The following WWOX variants were observed in gnomAD, a reference collection of about 807,000 sequenced individuals.
WWOX encodes WW domain-containing oxidoreductase.
A neutral mutation model predicts 46.2 loss-of-function variants in WWOX; 69 were observed. That is an observed-to-expected ratio of 1.49 (90% CI 1.23 to 1.82). The LOEUF (loss-of-function observed/expected upper bound fraction) is 1.82. WWOX is among the 40% of genes most tolerant of loss of function. The pLI, the probability that WWOX is intolerant of heterozygous loss-of-function variation, is 0.00. For synonymous variants in WWOX, 359 were observed against 202.6 expected (o/e 1.77, Z -6.56); for missense variants, 919 against 542.6 (o/e 1.69, Z -6.89).
intron 8 of WWOX, chr16:78,525,770 C>T (rs1366841710): frequency 2.0e-5 from 3 of 150,808 alleles, no homozygotes; most frequent in African/African-American, 7.3e-5. Flanking sequence ...CAGGTTTGTC[C>T]CATTTGTACT....
chr16:79,113,123 G>T (rs2150660526), intron 8 of WWOX, among the ~76,000 whole-genome samples: 1 of 151,628 alleles, frequency 6.6e-6, no homozygotes, highest in Middle Eastern at 3.4e-3. Context: ...ACATATGTGT[G>T]TGTAATTACA....
At chr16:78,520,240 G>C (rs1469602425) in intron 8 of WWOX, among the ~76,000 whole-genome samples, 3 of 152,144 alleles carry the variant, frequency 2.0e-5, no homozygotes, top group African/African-American at 7.2e-5. Flanking sequence ...TTATCATTCT[G>C]ATGGATTACG....
intron 5 of WWOX, among the ~76,000 whole-genome samples, chr16:78,171,669 A>C (rs566255135): frequency 1.4e-4 from 22 of 152,290 alleles, no homozygotes; most frequent in Admixed American, 1.4e-3. Flanking sequence ...GATTACCGGG[A>C]AGAGCGCATC....
chr16:78,997,277 A>C (rs1342096780), intron 8 of WWOX, among the ~76,000 whole-genome samples: 1 of 152,166 alleles, frequency 6.6e-6, no homozygotes, highest in Admixed American at 6.5e-5. Flanking sequence ...GACATGTTAT[A>C]ATATAAGGTC....
chr16:78,681,973 C>T (rs1446047198), intron 8 of WWOX, among the ~76,000 whole-genome samples: 1 of 152,172 alleles, frequency 6.6e-6, no homozygotes, highest in Non-Finnish European at 1.5e-5. Context: ...GTCACTGATG[C>T]TTACAGCTCT....
chr16:78,482,341 C>T (rs988845344), intron 8 of WWOX, among the ~76,000 whole-genome samples: 6 of 152,198 alleles, frequency 3.9e-5, no homozygotes, highest in African/African-American at 1.4e-4. Context: ...CCTTCCTCGG[C>T]CTCCGTAGTA....
intron 8 of WWOX, among the ~76,000 whole-genome samples, chr16:78,709,500 G>T (rs1376673035): frequency 1.3e-5 from 2 of 152,120 alleles, no homozygotes; most frequent in African/African-American, 4.8e-5. Context: ...TCTGACACAG[G>T]CCCTCTCAAT....
intron 8 of WWOX, among the ~76,000 whole-genome samples, chr16:78,737,031 T>C (rs2049108276): frequency 6.6e-6 from 1 of 152,112 alleles, no homozygotes; most frequent in Non-Finnish European, 1.5e-5. Flanking sequence ...CTTGAAATAA[T>C]TACATTTAGT....
chr16:78,528,588 C>T (rs1007885474), intron 8 of WWOX, among the ~76,000 whole-genome samples: 2 of 152,094 alleles, frequency 1.3e-5, no homozygotes, highest in Non-Finnish European at 2.9e-5. Context: ...ACTAAGTCAT[C>T]GTTATAATAA....
At chr16:78,275,500 T>A (rs1468816246) in intron 5 of WWOX, among the ~76,000 whole-genome samples, 1 of 152,258 alleles carries the variant, frequency 6.6e-6, no homozygotes, top group East Asian at 1.9e-4. Flanking sequence ...GTGCTGAGGA[T>A]CTCTTTGGCT....
intron 5 of WWOX, among the ~76,000 whole-genome samples, chr16:78,240,226 C>T (rs1340403012): frequency 6.6e-6 from 1 of 152,044 alleles, no homozygotes; most frequent in Non-Finnish European, 1.5e-5. Flanking sequence ...TGCCTGCAAT[C>T]CCAGCTACTC....
At chr16:78,616,771 C>T (rs755528004) in intron 8 of WWOX, among the ~76,000 whole-genome samples, 13 of 151,770 alleles carry the variant, frequency 8.6e-5, no homozygotes, top group Non-Finnish European at 1.9e-4. Context: ...TCCATCAACA[C>T]TAATAATAAT....
At chr16:78,806,008 A>G (rs2051026035) in intron 8 of WWOX, among the ~76,000 whole-genome samples, 1 of 152,222 alleles carries the variant, frequency 6.6e-6, no homozygotes, top group Non-Finnish European at 1.5e-5. Context: ...AAATCTTTCA[A>G]AGCCAAATAA....
intron 8 of WWOX, among the ~76,000 whole-genome samples, chr16:78,909,970 G>T (rs891477948): frequency 2.6e-5 from 4 of 152,138 alleles, no homozygotes; most frequent in Non-Finnish European, 5.9e-5. Context: ...ATAAAAGAAT[G>T]CAATTCCACC....
chr16:79,149,710 C>T (rs1335224649), intron 8 of WWOX, among the ~76,000 whole-genome samples: 1 of 152,208 alleles, frequency 6.6e-6, no homozygotes, highest in African/African-American at 2.4e-5. Flanking sequence ...GGCATTCTGC[C>T]ACAGACTACA....
rs147333753 is a variant in WWOX at position 78,687,904 on chromosome 16, T to C, written c.1056+255152T>C. On this transcript the variant is annotated intron_variant, in intron 8 of 8. Coordinates refer to ENST00000566780, the MANE Select transcript of WWOX (RefSeq NM_016373.4). ...TAGAAACGCATGTTAAATGGCCCAC[T>C]CCCTTTCTTTTGCTAATTGTGCTAG... 9.7e-3 allele frequency among the ~76,000 whole-genome samples: 1,482 copies of C among 152,190 alleles called. 16 individuals carry two copies. The highest frequency in any genetic ancestry group is 0.02 in the Middle Eastern group (6 of 294).
At chr16:78,774,853 A>G (rs1300277610) in intron 8 of WWOX, among the ~76,000 whole-genome samples, 1 of 152,194 alleles carries the variant, frequency 6.6e-6, no homozygotes, top group Non-Finnish European at 1.5e-5. Flanking sequence ...CTGCAAGTCC[A>G]TCCCCTTATT....
At chr16:78,686,213 T>A (rs2047853947) in intron 8 of WWOX, among the ~76,000 whole-genome samples, 1 of 152,052 alleles carries the variant, frequency 6.6e-6, no homozygotes, top group Non-Finnish European at 1.5e-5. Flanking sequence ...CCAGCATCAC[T>A]CAGAAATCTG....
intron 8 of WWOX, among the ~76,000 whole-genome samples, chr16:78,503,190 T>C (rs2085112141): frequency 6.6e-6 from 1 of 152,138 alleles, no homozygotes; most frequent in Non-Finnish European, 1.5e-5. Context: ...AAATTCCCTT[T>C]AAGCTGCTTA....
Sources: allele counts gnomAD v4.1 joint callset (sites outside exome capture counted in the v4.1 genomes callset), GRCh38; gene constraint gnomAD v4.1.1; transcripts MANE v1.5; gene names NCBI Gene and HGNC (gene_info 2026-07-23, HGNC 2026-07-21).